SNTG1: variants seen among roughly 807,000 people sequenced by gnomAD.
SNTG1 encodes syntrophin gamma 1.
In SNTG1, 39 loss-of-function variants were observed where a neutral mutation model predicts 74.7. The ratio of observed to expected loss-of-function variants is 0.52; its 90% CI spans 0.40 to 0.68. The LOEUF (loss-of-function observed/expected upper bound fraction) is 0.68, where lower values mean the gene tolerates loss of function less well. Ranked by LOEUF, SNTG1 falls within the 30% of genes least tolerant of loss-of-function variation. The probability of loss-of-function intolerance (pLI) is 0.00; values close to 1 mark genes in which losing one functional copy is unlikely to be tolerated. For missense variants in SNTG1, 685 were observed against 609.5 expected, an observed-to-expected ratio of 1.12 and a Z score of -1.30; for synonymous variants, 254 against 217.1, an observed-to-expected ratio of 1.17 and a Z score of -1.49.
intron 1 of SNTG1, among the ~76,000 whole-genome samples, chr8:49,953,982 G>C (rs1809948700): frequency 1.3e-5 from 2 of 152,106 alleles, no homozygotes; most frequent in Admixed American, 6.6e-5. Flanking sequence ...AAAACCAAAA[G>C]ATGGAAATTC....
chr8:50,305,768 A>T (rs959933155), intron 2 of SNTG1, among the ~76,000 whole-genome samples: 1 of 152,076 alleles, frequency 6.6e-6, no homozygotes, highest in Non-Finnish European at 1.5e-5. Flanking sequence ...GGTTCAATGA[A>T]TTGGATGTTG....
intron 2 of SNTG1, among the ~76,000 whole-genome samples, chr8:50,175,591 G>T (rs1586590542): frequency 6.6e-6 from 1 of 152,178 alleles, no homozygotes; most frequent in Admixed American, 6.5e-5. Flanking sequence ...GTCAGGGGCT[G>T]CTCTGCATGC....
At chr8:50,199,486 G>C (rs2083905228) in intron 2 of SNTG1, among the ~76,000 whole-genome samples, 1 of 152,030 alleles carries the variant, frequency 6.6e-6, no homozygotes, top group Admixed American at 6.6e-5. Context: ...CAAAGTGCTG[G>C]GATTATAAGT....
At chr8:50,370,406 G>A (rs1248694224) in intron 2 of SNTG1, among the ~76,000 whole-genome samples, 3 of 152,154 alleles carry the variant, frequency 2.0e-5, no homozygotes, top group East Asian at 1.9e-4. Context: ...GAATGGGAAC[G>A]ACCCTGTGGG....
At chr8:50,070,345 A>G (rs547599651) in intron 1 of SNTG1, among the ~76,000 whole-genome samples, 1 of 152,272 alleles carries the variant, frequency 6.6e-6, no homozygotes, top group African/African-American at 2.4e-5. Context: ...TTCTTTTGTT[A>G]TTTTAACTTT....
At position 50,752,112 on chromosome 8, in the gene SNTG1, G is replaced by GTTA; in HGVS notation, c.1395+2_1395+3insTAT. 1 of 1,506,214 alleles carries GTTA rather than the reference G, an allele frequency of 6.6e-7. No homozygotes were observed. Among genetic ancestry groups the GTTA allele is most frequent in the Non-Finnish European group, 8.9e-7 (1 of 1,127,054 alleles). 93.3% of individuals were successfully genotyped at this position (1,506,214 alleles called of 1,614,324 possible). A position where few individuals can be genotyped will look rare whatever the true frequency, so the allele number is the denominator to read the frequency against. ...AGATACTAAACAGATTGAAGCAAAG[G>GTTA]TAAACCCAAGAAATTCATCACATAA... On this transcript the variant is annotated splice_donor_variant, in intron 18 of 18. Coordinates refer to ENST00000642720, the MANE Select transcript of SNTG1 (RefSeq NM_018967.5). LOFTEE classifies it high-confidence loss of function.
intron 2 of SNTG1, among the ~76,000 whole-genome samples, chr8:50,243,870 C>A (rs544931755): frequency 6.6e-6 from 1 of 152,150 alleles, no homozygotes; most frequent in African/African-American, 2.4e-5. Context: ...TCTCCTTTTT[C>A]TTCATTGAGA....
chr8:50,293,827 A>G (rs1003082768), intron 2 of SNTG1, among the ~76,000 whole-genome samples: 2 of 152,170 alleles, frequency 1.3e-5, no homozygotes, highest in Non-Finnish European at 2.9e-5. Flanking sequence ...AATTCAGCCC[A>G]TAGCACTTAG....
intron 3 of SNTG1, among the ~76,000 whole-genome samples, chr8:50,400,723 G>A (rs1295012819): frequency 1.3e-5 from 2 of 152,106 alleles, no homozygotes; most frequent in African/African-American, 4.8e-5. Flanking sequence ...TTACATTGTG[G>A]TTTTGAATTG....
At chr8:50,751,798 A>T (rs2095568015) in intron 17 of SNTG1, among the ~76,000 whole-genome samples, 1 of 152,070 alleles carries the variant, frequency 6.6e-6, no homozygotes, top group African/African-American at 2.4e-5. Flanking sequence ...TATTTCATGG[A>T]TAAAATATTT....
At chr8:50,696,091 A>G (rs538011135) in intron 15 of SNTG1, among the ~76,000 whole-genome samples, 2 of 152,158 alleles carry the variant, frequency 1.3e-5, no homozygotes, top group South Asian at 4.1e-4. Flanking sequence ...CCAACAGTGT[A>G]TAAGCATTTC....
chr8:50,120,948 A>G (rs1327381589), intron 1 of SNTG1, among the ~76,000 whole-genome samples: 1 of 142,004 alleles, frequency 7.0e-6, no homozygotes, highest in Non-Finnish European at 1.6e-5. Flanking sequence ...AACTTCGCAT[A>G]AACGTATCGT....
At chr8:50,635,913 G>T (rs1330716468) in intron 13 of SNTG1, among the ~76,000 whole-genome samples, 1 of 151,956 alleles carries the variant, frequency 6.6e-6, no homozygotes, top group African/African-American at 2.4e-5. Context: ...AGCCAGCAAG[G>T]CTCTGAGTCT....
chr8:50,428,760 T>C (rs750527112), intron 4 of SNTG1, among the ~76,000 whole-genome samples: 13 of 152,256 alleles, frequency 8.5e-5, no homozygotes, highest in Middle Eastern at 3.4e-3. Context: ...AAAGAATTTA[T>C]AGGAAAGGGC....
chr8:50,792,535 T>C (rs1426349294), intron 18 of SNTG1, 136 bp from the exon 19 acceptor site: 1 of 923,222 alleles, frequency 1.1e-6, no homozygotes, highest in Non-Finnish European at 1.6e-6. Context: ...AATGTCTACA[T>C]TTGAAATTAG....
At chr8:50,040,237 C>T (rs1818519709) in intron 1 of SNTG1, among the ~76,000 whole-genome samples, 1 of 152,070 alleles carries the variant, frequency 6.6e-6, no homozygotes, top group South Asian at 2.1e-4. Context: ...CTTTTTGCTT[C>T]AGGTAGAAAT....
intron 15 of SNTG1, among the ~76,000 whole-genome samples, chr8:50,669,940 C>T (rs1446894621): frequency 6.6e-6 from 1 of 151,992 alleles, no homozygotes; most frequent in Non-Finnish European, 1.5e-5. Flanking sequence ...AAGACAAAAA[C>T]CACATGATTA....
At chr8:50,735,857 AG>A (rs2095527191) in intron 17 of SNTG1, among the ~76,000 whole-genome samples, 2 of 152,106 alleles carry the variant, frequency 1.3e-5, no homozygotes, top group South Asian at 4.1e-4. Flanking sequence ...AAAAATGTTA[AG>A]GGCAGCCAGA....
chr8:50,163,123 C>T (rs973469926), intron 1 of SNTG1, among the ~76,000 whole-genome samples: 1 of 152,164 alleles, frequency 6.6e-6, no homozygotes, highest in African/African-American at 2.4e-5. Flanking sequence ...TCTCCCTTCA[C>T]CCTCCAGGGA....
Sources: gnomAD v4.1 joint callset for allele counts (sites outside exome capture counted in the v4.1 genomes callset) on GRCh38, gnomAD v4.1.1 for gene constraint, MANE v1.5 for transcripts, NCBI Gene and HGNC (gene_info 2026-07-23, HGNC 2026-07-21) for gene names.